The following PFKM variants were observed in gnomAD, a reference collection of about 807,000 sequenced individuals.
PFKM encodes phosphofructokinase, muscle.
Under a neutral mutation model 95.5 loss-of-function variants are expected in PFKM, and 58 were observed. That is an observed-to-expected ratio of 0.61 (90% CI 0.49 to 0.76). The LOEUF (loss-of-function observed/expected upper bound fraction) is 0.76, where lower values mean the gene tolerates loss of function less well. Ranked by LOEUF, PFKM falls within the 30% of genes least tolerant of loss-of-function variation. The pLI is 0.00. For missense variants in PFKM, 678 were observed against 1,005.4 expected, an observed-to-expected ratio of 0.67 and a Z score of 4.40; for synonymous variants, 336 against 357.2, an observed-to-expected ratio of 0.94 and a Z score of 0.67.
chr12:48,109,774 A>G (rs1947025857), intron 3 of PFKM, among the ~76,000 whole-genome samples: 1 of 152,058 alleles, frequency 6.6e-6, no homozygotes, highest in African/African-American at 2.4e-5. Flanking sequence ...TTTTCCCAGC[A>G]CCAATAAGGC....
In PFKM at chr12:48,120,659, T is replaced by C. The variant is rs143824807; in HGVS notation, c.-9+1253T>C. Reference sequence around the variant, plus strand: ...ATAATACGTGAATGAACGAAGGTAGTGCACATACTGAAATTTGAACTTAAC... The same window carrying C: ...ATAATACGTGAATGAACGAAGGTAGCGCACATACTGAAATTTGAACTTAAC... On this transcript the variant is annotated intron_variant, in intron 1 of 22. Transcript: ENST00000359794. 6.6e-5 allele frequency among the ~76,000 whole-genome samples: 10 copies of C among 152,364 alleles called. No homozygotes were observed. The East Asian group carries it at 1.9e-3, about 29-fold the overall frequency.
intron 2 of PFKM, among the ~76,000 whole-genome samples, chr12:48,129,049 T>C (rs1949141210): frequency 1.3e-5 from 2 of 152,030 alleles, no homozygotes; most frequent in African/African-American, 4.8e-5. Flanking sequence ...GCTGTGTGTT[T>C]TATGTTGGGA....
chr12:48,140,440 G>A (rs538522211), intron 13 of PFKM, among the ~76,000 whole-genome samples: 1 of 152,342 alleles, frequency 6.6e-6, no homozygotes, highest in East Asian at 1.9e-4. Flanking sequence ...CACTTGGGAA[G>A]TGCTGCTCTG....
chr12:48,141,271 G>A (rs1950555730), intron 14 of PFKM, 40 bp from the exon 15 acceptor site: 7 of 1,585,634 alleles, frequency 4.4e-6, no homozygotes, highest in African/African-American at 1.3e-5. Flanking sequence ...GCCTCCTAGT[G>A]CTTTAGCCTT....
intron 3 of PFKM, among the ~76,000 whole-genome samples, chr12:48,109,356 T>G (rs1946987307): frequency 1.3e-5 from 2 of 150,648 alleles, no homozygotes; most frequent in South Asian, 4.3e-4. Flanking sequence ...CTTCCTTCCT[T>G]TCTTTTTCTT....
At chr12:48,114,913 T>C (rs1947536927), upstream of PFKM, among the ~76,000 whole-genome samples, 2 of 152,050 alleles carry the variant, frequency 1.3e-5, no homozygotes, top group African/African-American at 4.8e-5. Flanking sequence ...AGGTGAGAGT[T>C]GAAGAGGTTT....
At position 48,146,353 on chromosome 12, in the gene PFKM, T is replaced by C. The variant is rs1951039988; in HGVS notation, c.*645T>C. On this transcript the variant is annotated 3_prime_UTR_variant, in exon 23 of 23. Coordinates refer to ENST00000359794, the MANE Select transcript of PFKM (RefSeq NM_000289.6). ...GGGAATAAGGCAGCCAAATACTCTT[T>C]GCACAGTTCTTTAGTGGGAAGAGAA... The C allele has an allele frequency of 6.5e-6, 1 of 154,706 alleles. No individual in the cohort carries two copies. Among genetic ancestry groups the C allele is most frequent in the Admixed American group, 6.3e-5 (1 of 15,794 alleles). 9.6% of individuals were successfully genotyped at this position (154,706 alleles called of 1,614,324 possible). A position where few individuals can be genotyped will look rare whatever the true frequency, so the allele number is the denominator to read the frequency against.
chr12:48,130,960 C>T (rs1949413910), intron 3 of PFKM, among the ~76,000 whole-genome samples: 1 of 152,158 alleles, frequency 6.6e-6, no homozygotes, highest in African/African-American at 2.4e-5. Flanking sequence ...TTCCCTCCCA[C>T]CAACTTCCCC....
At chr12:48,107,291 C>A in intron 1 of PFKM, 2 of 903,938 alleles carry the variant, frequency 2.2e-6, no homozygotes, top group Non-Finnish European at 3.6e-6. Flanking sequence ...ATGAGTGTAG[C>A]TGGTCCATGT....
At chr12:48,139,935 T>A (rs1198129384) in intron 13 of PFKM, 23 bp downstream of exon 13, 1 of 1,518,878 alleles carries the variant, frequency 6.6e-7, no homozygotes, top group East Asian at 2.3e-5. Context: ...TGACTTGCCC[T>A]CTCCCCTTTT....
At chr12:48,115,105 C>T (rs1947553951), upstream of PFKM, among the ~76,000 whole-genome samples, 1 of 152,122 alleles carries the variant, frequency 6.6e-6, no homozygotes, top group African/African-American at 2.4e-5. Context: ...TGACTTGCCA[C>T]CAAGGGAACA....
intron 15 of PFKM, 56 bp from the exon 16 acceptor site, chr12:48,141,684 G>T: frequency 7.6e-7 from 1 of 1,316,358 alleles, no homozygotes; most frequent in Non-Finnish European, 1.1e-6. Flanking sequence ...CAATTTTCCT[G>T]TCTCTTCCCC....
At chr12:48,131,592 G>C (rs1949494909) in intron 4 of PFKM, 199 bp downstream of exon 4, 1 of 635,606 alleles carries the variant, frequency 1.6e-6, no homozygotes, top group African/African-American at 1.8e-5. Context: ...GGAGAGGGTG[G>C]AGGAGTGATC....
At chr12:48,137,598 C>T in intron 10 of PFKM, 123 bp from the exon 11 acceptor site, 1 of 1,107,622 alleles carries the variant, frequency 9.0e-7, no homozygotes, top group South Asian at 1.3e-5. Flanking sequence ...TTCTTTGCTG[C>T]AGTTCTTAAT....
Position 48,137,779 on chromosome 12 carries a change from C to T in PFKM, c.995C>T (p.Pro332Leu), listed in dbSNP as rs1051224463. The change falls in exon 11 of 23, where the codon CCA becomes CTA. Residue 332 changes from proline (P) to leucine (L), a missense_variant. Transcript: ENST00000359794. ...CTTTTGGAGGGGACCCCAGATACCC[C>T]AGCCTGTGTAGTGAGCCTCTCTGGT... ...MALLEGTPDT[P>L]ACVVSLSGNQ... 6.8e-6 allele frequency: 11 copies of T among 1,614,146 alleles called. No homozygotes were observed. The highest frequency in any genetic ancestry group is 6.8e-6 in the Non-Finnish European group (8 of 1,179,978).
chr12:48,141,469 C>T, intron 15 of PFKM, 88 bp downstream of exon 15: 1 of 1,170,200 alleles, frequency 8.5e-7, no homozygotes, highest in South Asian at 1.2e-5. Flanking sequence ...TCTGCTTCAA[C>T]CACCCTGTTG....
At chr12:48,113,221 A>G (rs1194455200) in intron 3 of PFKM, among the ~76,000 whole-genome samples, 1 of 152,150 alleles carries the variant, frequency 6.6e-6, no homozygotes, top group Non-Finnish European at 1.5e-5. Context: ...GGCTGTCAAT[A>G]CCCACAACAG....
chr12:48,105,642 C>T (rs551306668), upstream of PFKM: 94 of 428,884 alleles, frequency 2.2e-4, no homozygotes, highest in African/African-American at 1.3e-3. Flanking sequence ...CCGAGCTTCC[C>T]GGTGAAAACA....
In PFKM at chr12:48,125,895, A is replaced by G. The variant is rs1021699456; in HGVS notation, c.85+3036A>G. 7.5e-4 allele frequency among the ~76,000 whole-genome samples: 114 copies of G among 152,194 alleles called. 1 individual carries two copies. The highest frequency in any genetic ancestry group is 2.5e-4 in the Non-Finnish European group (17 of 68,030). ...TCTAACAAATGTTTATTCCTCATAT[A>G]TTTTTAAAAATCTTATGAAAGTTAA... On this transcript the variant is annotated intron_variant, in intron 2 of 22. Transcript: ENST00000359794.
Sources: gnomAD v4.1 joint callset for allele counts (sites outside exome capture counted in the v4.1 genomes callset) on GRCh38, gnomAD v4.1.1 for gene constraint, MANE v1.5 for transcripts, NCBI Gene and HGNC (gene_info 2026-07-23, HGNC 2026-07-21) for gene names.